GRID2: variants seen among roughly 807,000 people sequenced by gnomAD.
The protein encoded by GRID2 is glutamate ionotropic receptor delta type subunit 2.
GRID2 carries 33 observed loss-of-function variants against 114.8 expected under a neutral mutation model. The ratio of observed to expected loss-of-function variants is 0.29; its 90% confidence interval spans 0.22 to 0.38. GRID2 has a LOEUF of 0.38. GRID2 is among the 10% of genes least tolerant of loss of function. The pLI, the probability that GRID2 is intolerant of heterozygous loss-of-function variation, is 1.00. For synonymous variants in GRID2, 505 were observed against 449.9 expected, an observed-to-expected ratio of 1.12 and a Z score of -1.55; for missense variants, 1,184 against 1,257.7, an observed-to-expected ratio of 0.94 and a Z score of 0.89.
At chr4:93,111,434 G>T (rs1732752812) in intron 4 of GRID2, among the ~76,000 whole-genome samples, 1 of 152,124 alleles carries the variant, frequency 6.6e-6, no homozygotes, top group African/African-American at 2.4e-5. Flanking sequence ...ATAATTAAGT[G>T]TCTGAAACTC....
intron 14 of GRID2, among the ~76,000 whole-genome samples, chr4:93,721,920 CTT>C (rs5860343): frequency 6.0e-5 from 8 of 132,556 alleles, no homozygotes; most frequent in Admixed American, 7.7e-5. Context: ...TTTCTTTTTT[CTT>C]TTTTTTTTTT....
chr4:93,248,351 T>C (rs1289667949), intron 8 of GRID2, among the ~76,000 whole-genome samples: 1 of 152,192 alleles, frequency 6.6e-6, no homozygotes, highest in African/African-American at 2.4e-5. Context: ...ATAGTGAAGG[T>C]TTATTTCACA....
chr4:93,096,621 A>C (rs1731249859), intron 3 of GRID2, among the ~76,000 whole-genome samples: 1 of 151,978 alleles, frequency 6.6e-6, no homozygotes, highest in South Asian at 2.1e-4. Context: ...GTCCACAGAA[A>C]AATGCAAATT....
intron 12 of GRID2, among the ~76,000 whole-genome samples, chr4:93,514,714 A>G (rs929203870): frequency 6.6e-6 from 1 of 152,180 alleles, no homozygotes; most frequent in African/African-American, 2.4e-5. Flanking sequence ...TGTGTATTCA[A>G]TAAATAATGA....
chr4:93,470,575 ATAT>A (rs1724706519), intron 11 of GRID2, among the ~76,000 whole-genome samples: 1 of 151,904 alleles, frequency 6.6e-6, no homozygotes, highest in Non-Finnish European at 1.5e-5. Context: ...TACCAAATAA[ATAT>A]TATCGTGATG....
chr4:92,847,940 T>C (rs184345988), intron 2 of GRID2, among the ~76,000 whole-genome samples: 31 of 152,174 alleles, frequency 2.0e-4, no homozygotes, highest in Non-Finnish European at 2.8e-4. Flanking sequence ...ATGTATATAA[T>C]AGATATATGC....
At chr4:92,892,975 A>C (rs2149471600) in intron 2 of GRID2, among the ~76,000 whole-genome samples, 1 of 152,360 alleles carries the variant, frequency 6.6e-6, no homozygotes, top group Non-Finnish European at 1.5e-5. Context: ...AAGAAATAAA[A>C]TATGAAAGAA....
chr4:93,254,698 G>A (rs1456943698), intron 8 of GRID2, among the ~76,000 whole-genome samples: 1 of 152,070 alleles, frequency 6.6e-6, no homozygotes, highest in Admixed American at 6.6e-5. Context: ...AATATGATTT[G>A]AATAAGTGCA....
chr4:93,044,286 T>G (rs1725910975), intron 2 of GRID2, among the ~76,000 whole-genome samples: 1 of 152,132 alleles, frequency 6.6e-6, no homozygotes. Context: ...TGTTATATCT[T>G]TGGAAGATAT....
chr4:92,389,299 A>G (rs1343888471), intron 1 of GRID2, among the ~76,000 whole-genome samples: 2 of 152,038 alleles, frequency 1.3e-5, no homozygotes, highest in Non-Finnish European at 2.9e-5. Context: ...GTGGAAAGGG[A>G]CAGTATGGGG....
At chr4:93,341,415 C>T (rs530019513) in intron 8 of GRID2, among the ~76,000 whole-genome samples, 8 of 152,230 alleles carry the variant, frequency 5.3e-5, no homozygotes, top group African/African-American at 1.9e-4. Flanking sequence ...ACCTCCACCT[C>T]CTGGGTACAA....
intron 2 of GRID2, among the ~76,000 whole-genome samples, chr4:92,895,557 G>A (rs1331987887): frequency 6.6e-6 from 1 of 151,690 alleles, no homozygotes; most frequent in Non-Finnish European, 1.5e-5. Context: ...AATGAAAAAG[G>A]ATGTACATCT....
At chr4:92,688,094 G>T (rs1456105391) in intron 2 of GRID2, among the ~76,000 whole-genome samples, 2 of 121,968 alleles carry the variant, frequency 1.6e-5, no homozygotes, top group Non-Finnish European at 3.2e-5. Context: ...TCGTTGCCCA[G>T]GCTGGAGCAC....
intron 13 of GRID2, among the ~76,000 whole-genome samples, chr4:93,592,265 CT>C (rs1161069275): frequency 6.6e-6 from 1 of 151,958 alleles, no homozygotes; most frequent in Non-Finnish European, 1.5e-5. Flanking sequence ...TGTCTTTGTT[CT>C]CGTTGGTTTC....
At chr4:92,882,845 T>C (rs998985910) in intron 2 of GRID2, among the ~76,000 whole-genome samples, 10 of 152,218 alleles carry the variant, frequency 6.6e-5, no homozygotes, top group Middle Eastern at 3.2e-3. Flanking sequence ...TAAAAAATGC[T>C]AACAAATAAT....
chr4:93,626,472 A>C, intron 14 of GRID2, 37 bp downstream of exon 14: 1 of 1,353,618 alleles, frequency 7.4e-7, no homozygotes, highest in Non-Finnish European at 1.0e-6. Context: ...GGGAGAGATG[A>C]AATTTAGACA....
At chr4:92,335,186 G>GCAT (rs1560573168) in intron 1 of GRID2, among the ~76,000 whole-genome samples, 1 of 152,166 alleles carries the variant, frequency 6.6e-6, no homozygotes, top group African/African-American at 2.4e-5. Flanking sequence ...TTCAGAGTTA[G>GCAT]CATCAAGCTA....
intron 12 of GRID2, among the ~76,000 whole-genome samples, chr4:93,500,673 C>G (rs1728005201): frequency 6.6e-6 from 1 of 151,944 alleles, no homozygotes; most frequent in Admixed American, 6.6e-5. Flanking sequence ...CAAGCCTTAT[C>G]TGAATTTAGG....
At chr4:93,656,542 A>T (rs182233145) in intron 14 of GRID2, among the ~76,000 whole-genome samples, 1 of 152,168 alleles carries the variant, frequency 6.6e-6, no homozygotes, top group Admixed American at 6.5e-5. Flanking sequence ...ATCAAATAAG[A>T]CAAATAGGCC....
Sources: gnomAD v4.1 joint callset for allele counts (sites outside exome capture counted in the v4.1 genomes callset) on GRCh38, gnomAD v4.1.1 for gene constraint, MANE v1.5 for transcripts, NCBI Gene and HGNC (gene_info 2026-07-23, HGNC 2026-07-21) for gene names.